The following WDR47 variants were observed in gnomAD, a reference collection of about 807,000 sequenced individuals.
WDR47 encodes WD repeat domain 47.
In WDR47, 32 loss-of-function variants were observed where a neutral mutation model predicts 97.2. The ratio of observed to expected loss-of-function variants is 0.33; its 90% confidence interval spans 0.25 to 0.44. The LOEUF (loss-of-function observed/expected upper bound fraction) is 0.44. Among genes scored for constraint, WDR47 ranks in the 20% least tolerant of loss-of-function variants. The pLI, the probability that WDR47 is intolerant of heterozygous loss-of-function variation, is 1.00. For missense variants in WDR47, 782 were observed against 1,102.3 expected (o/e 0.71, Z 4.11); for synonymous variants, 375 against 373.5 (o/e 1.00, Z -0.05).
At chr1:108,991,108 G>T in intron 9 of WDR47, 146 bp downstream of exon 9, 1 of 604,508 alleles carries the variant, frequency 1.7e-6, no homozygotes, top group Non-Finnish European at 2.8e-6. Context: ...AAACTTCTGG[G>T]CTCAAGACAT....
intron 9 of WDR47, among the ~76,000 whole-genome samples, chr1:108,988,702 C>T (rs1010925496): frequency 9.9e-5 from 15 of 151,950 alleles, no homozygotes; most frequent in Non-Finnish European, 1.9e-4. Context: ...AATAAATAAA[C>T]AAACATCCCT....
intron 9 of WDR47, among the ~76,000 whole-genome samples, chr1:108,990,512 TA>T (rs1659243307): frequency 6.6e-6 from 1 of 152,134 alleles, no homozygotes; most frequent in African/African-American, 2.4e-5. Flanking sequence ...CCTGGCCTAA[TA>T]TTTTTTTTTA....
chr1:109,039,009 T>G (rs758912502), intron 1 of WDR47, among the ~76,000 whole-genome samples: 1 of 151,716 alleles, frequency 6.6e-6, no homozygotes, highest in Non-Finnish European at 1.5e-5. Flanking sequence ...AATAAATAAA[T>G]AAATAAATAT....
At position 108,970,309 on chromosome 1, in the gene WDR47, A is replaced by C; in HGVS notation, c.*1121T>G. The C allele has an allele frequency of 6.5e-6, 1 of 152,794 alleles. No homozygotes were observed. 9.5% of individuals were successfully genotyped at this position (152,794 alleles called of 1,614,324 possible). Reference sequence around the variant, plus strand: ...ACAACAGATGAAAAATGCTTGCTACATACAGTGCACAGACAGTTCAATAAT... The same window carrying C: ...ACAACAGATGAAAAATGCTTGCTACCTACAGTGCACAGACAGTTCAATAAT... On this transcript the variant is annotated 3_prime_UTR_variant, in exon 15 of 15. Transcript: ENST00000369962.
At chr1:109,034,833 A>C (rs1278938396) in intron 1 of WDR47, among the ~76,000 whole-genome samples, 3 of 152,240 alleles carry the variant, frequency 2.0e-5, no homozygotes, top group African/African-American at 7.2e-5. Context: ...ATATCTATAT[A>C]TCCTAAAAAG....
intron 13 of WDR47, among the ~76,000 whole-genome samples, chr1:108,980,290 C>T (rs1001207248): frequency 6.6e-6 from 1 of 151,910 alleles, no homozygotes; most frequent in African/African-American, 2.4e-5. Flanking sequence ...AACATCATAT[C>T]TGGTTTGAAT....
At chr1:109,022,057 A>G (rs1661888358) in intron 2 of WDR47, among the ~76,000 whole-genome samples, 1 of 152,066 alleles carries the variant, frequency 6.6e-6, no homozygotes, top group Non-Finnish European at 1.5e-5. Context: ...TACGTTGGCC[A>G]GTCTGGTCTC....
chr1:108,983,978 G>C (rs1329477195), intron 10 of WDR47, among the ~76,000 whole-genome samples: 29 of 152,128 alleles, frequency 1.9e-4, no homozygotes, highest in Non-Finnish European at 7.3e-5. Flanking sequence ...ATAAAGCACT[G>C]GGCCTTAAAG....
chr1:108,984,091 G>T (rs903597409), intron 10 of WDR47, among the ~76,000 whole-genome samples: 4 of 152,184 alleles, frequency 2.6e-5, no homozygotes, highest in African/African-American at 7.2e-5. Context: ...GCAATGGAAA[G>T]AGTCTGTGGG....
At chr1:109,007,081 G>T (rs1185204647) in intron 5 of WDR47, among the ~76,000 whole-genome samples, 1 of 151,598 alleles carries the variant, frequency 6.6e-6, no homozygotes, top group Non-Finnish European at 1.5e-5. Flanking sequence ...GTGACTACAG[G>T]CACACGCCAC....
intron 13 of WDR47, among the ~76,000 whole-genome samples, chr1:108,981,184 C>G (rs1216647041): frequency 2.6e-5 from 4 of 151,212 alleles, no homozygotes; most frequent in Middle Eastern, 3.5e-3. Context: ...ATGGAACAAT[C>G]CAAGACATCC....
At chr1:108,974,249 G>A (rs951100160) in intron 14 of WDR47, among the ~76,000 whole-genome samples, 1 of 152,044 alleles carries the variant, frequency 6.6e-6, no homozygotes, top group Non-Finnish European at 1.5e-5. Flanking sequence ...CAGCACTTTG[G>A]GAGACGAAGG....
At chr1:109,018,175 G>A (rs186778886) in intron 2 of WDR47, among the ~76,000 whole-genome samples, 2 of 152,086 alleles carry the variant, frequency 1.3e-5, no homozygotes, top group Non-Finnish European at 2.9e-5. Context: ...CATGCCAGGC[G>A]TGGTGGCTCA....
At chr1:108,975,019 G>A (rs970381217) in intron 13 of WDR47, among the ~76,000 whole-genome samples, 1 of 152,130 alleles carries the variant, frequency 6.6e-6, no homozygotes, top group African/African-American at 2.4e-5. Flanking sequence ...CACCTATAGT[G>A]CAATAGATGA....
chr1:109,006,324 C>T (rs1225908164), intron 5 of WDR47, among the ~76,000 whole-genome samples: 5 of 152,006 alleles, frequency 3.3e-5, no homozygotes, highest in African/African-American at 7.2e-5. Context: ...ACCCGGGAGG[C>T]GGAGGTTGTG....
intron 9 of WDR47, among the ~76,000 whole-genome samples, chr1:108,987,980 A>G (rs1658968923): frequency 6.6e-6 from 1 of 151,932 alleles, no homozygotes; most frequent in Non-Finnish European, 1.5e-5. Flanking sequence ...TCATGCCTAT[A>G]ATCCCAGCAC....
chr1:109,003,590 C>T (rs915317617), intron 6 of WDR47, among the ~76,000 whole-genome samples: 22 of 152,158 alleles, frequency 1.4e-4, no homozygotes, highest in Non-Finnish European at 2.4e-4. Flanking sequence ...CAACCTCCGC[C>T]TCCCAGGTCC....
At chr1:109,035,199 T>C (rs768973871) in intron 1 of WDR47, among the ~76,000 whole-genome samples, 31 of 148,636 alleles carry the variant, frequency 2.1e-4, no homozygotes, top group East Asian at 4.0e-4. Flanking sequence ...TGAGCCAACA[T>C]TGCACTACTG....
At chr1:109,008,466 T>C (rs879749159) in intron 5 of WDR47, among the ~76,000 whole-genome samples, 15 of 152,218 alleles carry the variant, frequency 9.9e-5, no homozygotes, top group Non-Finnish European at 2.2e-4. Context: ...TTTCACCACA[T>C]TGGCCAGGCT....
Sources: allele counts gnomAD v4.1 joint callset (sites outside exome capture counted in the v4.1 genomes callset), GRCh38; gene constraint gnomAD v4.1.1; transcripts MANE v1.5; gene names NCBI Gene and HGNC (gene_info 2026-07-23, HGNC 2026-07-21).